Variants in MBOAT1 observed in about 807,000 individuals in gnomAD.
MBOAT1 encodes the protein membrane-bound glycerophospholipid O-acyltransferase 1.
Under a neutral mutation model 64.4 loss-of-function variants are expected in MBOAT1, and 67 were observed. That is an observed-to-expected ratio of 1.04 (90% CI 0.85 to 1.27). The LOEUF is 1.27. Ranked by LOEUF, MBOAT1 falls within the 50% of genes most tolerant of loss-of-function variation. The probability of loss-of-function intolerance (pLI) is 0.00; values close to 1 mark genes in which losing one functional copy is unlikely to be tolerated. For synonymous variants in MBOAT1, 229 were observed against 218.9 expected (o/e 1.05, Z -0.41); for missense variants, 563 against 604.6 (o/e 0.93, Z 0.72).
intron 8 of MBOAT1, among the ~76,000 whole-genome samples, chr6:20,123,519 A>G (rs1027681253): frequency 2.0e-5 from 3 of 152,194 alleles, no homozygotes; most frequent in Non-Finnish European, 1.5e-5. Flanking sequence ...TTTGAAAGGA[A>G]AGAGATAAAA....
chr6:20,211,740 G>A (rs1450473834), intron 1 of MBOAT1, among the ~76,000 whole-genome samples: 1 of 152,062 alleles, frequency 6.6e-6, no homozygotes, highest in Non-Finnish European at 1.5e-5. Context: ...GATTCATCGC[G>A]CTTGTTTTTT....
chr6:20,118,404 C>CT, intron 9 of MBOAT1, 33 bp downstream of exon 9: 2 of 1,520,274 alleles, frequency 1.3e-6, no homozygotes, highest in Non-Finnish European at 1.8e-6. Flanking sequence ...GCTTTCTTCA[C>CT]TATGGAAGTT....
At chr6:20,162,000 A>G (rs942957619) in intron 1 of MBOAT1, among the ~76,000 whole-genome samples, 1 of 152,088 alleles carries the variant, frequency 6.6e-6, no homozygotes, top group Non-Finnish European at 1.5e-5. Flanking sequence ...TTGGCTCCAG[A>G]TGGCCGTCTT....
rs114777573 is a variant in MBOAT1, at chr6:20,159,580, G to A, written c.100-6811C>T. 4.7e-3 allele frequency among the ~76,000 whole-genome samples: 717 copies of A among 152,226 alleles called. 12 individuals carry two copies. Among genetic ancestry groups the A allele is most frequent in the African/African-American group, 0.016 (653 of 41,544 alleles). On this transcript the variant is annotated intron_variant, in intron 1 of 12. Coordinates refer to ENST00000324607, the MANE Select transcript of MBOAT1 (RefSeq NM_001080480.3). ...AGTGCATGTGGAATCTAAAAAAGTC[G>A]AAAAAGCAGAGAGTTTAACAGTGTT...
intron 6 of MBOAT1, 118 bp from the exon 7 acceptor site, chr6:20,126,818 C>A: frequency 1.3e-6 from 1 of 774,918 alleles, no homozygotes. Context: ...ATGACCTTTC[C>A]TTGTTTTGTT....
At chr6:20,181,433 G>A (rs1762505509) in intron 1 of MBOAT1, among the ~76,000 whole-genome samples, 1 of 151,968 alleles carries the variant, frequency 6.6e-6, no homozygotes, top group South Asian at 2.1e-4. Context: ...ACCCCCACTT[G>A]ATTCTATTTT....
rs58966886 is a variant in MBOAT1 at position 20,102,114 on chromosome 6, C to CAAAAAAAAAA, written c.*162_*171dup. On this transcript the variant is annotated 3_prime_UTR_variant, in exon 13 of 13. Transcript: ENST00000324607. ...TGGGCGACAGAGCGAGACTCCGTCTCAAAAAAAAAAAAAAAAAAAAAAAAA... is the reference window on the plus strand; with the variant it reads ...TGGGCGACAGAGCGAGACTCCGTCTCAAAAAAAAAAAAAAAAAAAAAAAAAAAAAAAAAAA... 5.1e-5 allele frequency: 5 copies of CAAAAAAAAAA among 97,256 alleles called. No individual in the cohort carries two copies. The highest frequency in any genetic ancestry group is 3.4e-4 in the African/African-American group (5 of 14,542). The allele number at this position is 97,256 out of a possible 1,614,324, so 6.0% of individuals were successfully genotyped here. A position where few individuals can be genotyped will look rare whatever the true frequency, so the allele number is the denominator to read the frequency against.
At chr6:20,128,386 C>T (rs1476508970) in intron 6 of MBOAT1, among the ~76,000 whole-genome samples, 1 of 151,966 alleles carries the variant, frequency 6.6e-6, no homozygotes, top group East Asian at 1.9e-4. Flanking sequence ...AACATAACAA[C>T]CCCAGGGAAG....
intron 1 of MBOAT1, among the ~76,000 whole-genome samples, chr6:20,208,147 G>GT (rs1763314060): frequency 6.6e-6 from 1 of 152,122 alleles, no homozygotes; most frequent in Non-Finnish European, 1.5e-5. Flanking sequence ...ATCCAGGTAG[G>GT]TAAAGAAACT....
rs1460166012 is a variant in MBOAT1 at position 20,115,318 on chromosome 6, C to T, written c.1046G>A (p.Trp349Ter). Reference sequence around the variant, plus strand: ...TAGCCAAGTAGCTGTCTGAATATTCCAGTTTTCCAAGTACATTTTGAAACT... The same window carrying T: ...TAGCCAAGTAGCTGTCTGAATATTCTAGTTTTCCAAGTACATTTTGAAACT... ...ATSFKMYLEN[W>*]NIQTATWLKC... is the part of the protein sequence containing the mutation. The change falls in exon 10 of 13, where the codon TGG becomes TAG. Residue 349 changes from tryptophan (W) to a stop codon, truncating the protein, a stop_gained. Transcript: ENST00000324607. LOFTEE classifies it high-confidence loss of function. 1.4e-5 allele frequency: 23 copies of T among 1,613,892 alleles called. No individual in the cohort carries two copies. The highest frequency in any genetic ancestry group is 1.9e-5 in the Non-Finnish European group (23 of 1,179,942).
chr6:20,170,959 A>G (rs1581441749), intron 1 of MBOAT1, among the ~76,000 whole-genome samples: 1 of 152,114 alleles, frequency 6.6e-6, no homozygotes, highest in African/African-American at 2.4e-5. Flanking sequence ...GAAATTGGCC[A>G]GCATGCTAGG....
At chr6:20,168,489 GAC>G (rs1467079142) in intron 1 of MBOAT1, among the ~76,000 whole-genome samples, 153 of 120,548 alleles carry the variant, frequency 1.3e-3, no homozygotes, top group African/African-American at 4.5e-3. Flanking sequence ...CAGAGACAGA[GAC>G]AGAGAGAGAG....
intron 4 of MBOAT1, among the ~76,000 whole-genome samples, chr6:20,137,263 A>G (rs1328985380): frequency 1.3e-5 from 2 of 152,190 alleles, no homozygotes; most frequent in Non-Finnish European, 2.9e-5. Context: ...ATGTGGGCAA[A>G]TCAACCTGCA....
At chr6:20,129,853 C>T (rs150786197) in intron 5 of MBOAT1, among the ~76,000 whole-genome samples, 2,009 of 152,242 alleles carry the variant, frequency 0.013, 37 homozygotes, top group African/African-American at 0.045. Context: ...TGCTTTGCTC[C>T]GGACTCTCTG....
chr6:20,187,949 A>G (rs941713645), intron 1 of MBOAT1, among the ~76,000 whole-genome samples: 3 of 152,300 alleles, frequency 2.0e-5, no homozygotes, highest in Admixed American at 2.0e-4. Flanking sequence ...CCAAGATTGC[A>G]CCACTGCACT....
At chr6:20,109,970 C>T (rs1206016504) in intron 11 of MBOAT1, among the ~76,000 whole-genome samples, 13 of 130,484 alleles carry the variant, frequency 1.0e-4, no homozygotes, top group South Asian at 2.6e-4. Context: ...AGTGCAGTGG[C>T]GCAATCTCAG....
chr6:20,118,776 A>C (rs911952092), intron 8 of MBOAT1, among the ~76,000 whole-genome samples: 1 of 152,210 alleles, frequency 6.6e-6, no homozygotes, highest in Admixed American at 6.5e-5. Context: ...ACACCTGCTA[A>C]GGTAAGAGGA....
intron 10 of MBOAT1, among the ~76,000 whole-genome samples, chr6:20,114,716 C>T (rs755221253): frequency 7.2e-5 from 11 of 152,124 alleles, no homozygotes; most frequent in Admixed American, 2.0e-4. Context: ...AACCTCGTCT[C>T]TACTAAAAAT....
intron 8 of MBOAT1, among the ~76,000 whole-genome samples, chr6:20,119,668 C>T (rs546252758): frequency 7.2e-5 from 11 of 152,274 alleles, no homozygotes; most frequent in African/African-American, 2.6e-4. Context: ...TAGAAGAAAG[C>T]ATGAAAGAGA....
Sources: gnomAD v4.1 joint callset for allele counts (sites outside exome capture counted in the v4.1 genomes callset) on GRCh38, gnomAD v4.1.1 for gene constraint, MANE v1.5 for transcripts, NCBI Gene and HGNC (gene_info 2026-07-23, HGNC 2026-07-21) for gene names.